Variants in ATP8A1 observed in about 807,000 individuals in gnomAD.
ATP8A1 encodes the protein ATPase phospholipid transporting 8A1, also known as phospholipid-transporting ATPase IA.
A neutral mutation model predicts 177.7 loss-of-function variants in ATP8A1; 90 were observed. The ratio of observed to expected loss-of-function variants is 0.51; its 90% confidence interval spans 0.43 to 0.60. The LOEUF (loss-of-function observed/expected upper bound fraction) is 0.60. Ranked by LOEUF, ATP8A1 falls within the 20% of genes least tolerant of loss-of-function variation. The pLI is 0.00. For missense variants in ATP8A1, 1,072 were observed against 1,392.8 expected (o/e 0.77, Z 3.67); for synonymous variants, 493 against 485.9 (o/e 1.01, Z -0.19).
At chr4:42,441,072 C>T (rs1156381354) in intron 33 of ATP8A1, among the ~76,000 whole-genome samples, 3 of 152,258 alleles carry the variant, frequency 2.0e-5, no homozygotes, top group Admixed American at 6.5e-5. Context: ...TCCTGCAGAA[C>T]GGCCTCAAGT....
At chr4:42,424,842 C>CT (rs1367080882) in intron 33 of ATP8A1, among the ~76,000 whole-genome samples, 1 of 152,166 alleles carries the variant, frequency 6.6e-6, no homozygotes, top group African/African-American at 2.4e-5. Context: ...GCTCTGAATA[C>CT]TTTTAAAATA....
intron 25 of ATP8A1, among the ~76,000 whole-genome samples, chr4:42,482,342 A>G (rs1365894039): frequency 2.0e-5 from 3 of 151,218 alleles, no homozygotes; most frequent in Admixed American, 2.0e-4. Context: ...AACAAAAAAA[A>G]AAAAGAAAAG....
intron 12 of ATP8A1, 42 bp downstream of exon 12, chr4:42,578,218 A>G: frequency 6.6e-7 from 1 of 1,519,522 alleles, no homozygotes; most frequent in South Asian, 1.3e-5. Flanking sequence ...CCTAAGGACA[A>G]AATTATTTTG....
chr4:42,610,339 A>G (rs1736245073), intron 5 of ATP8A1, among the ~76,000 whole-genome samples: 1 of 152,152 alleles, frequency 6.6e-6, no homozygotes, highest in African/African-American at 2.4e-5. Context: ...ACTTTGAATC[A>G]CACCCATTTT....
intron 24 of ATP8A1, among the ~76,000 whole-genome samples, chr4:42,497,932 AT>A (rs76475863): frequency 0.13 from 20,170 of 152,240 alleles, 1,680 homozygotes; most frequent in East Asian, 0.26. Context: ...TTATAAAAAA[AT>A]ATCTTTGCTT....
chr4:42,582,652 C>G (rs1207930668), intron 9 of ATP8A1, among the ~76,000 whole-genome samples: 3 of 152,162 alleles, frequency 2.0e-5, no homozygotes, highest in African/African-American at 4.8e-5. Context: ...CTTAAAACCT[C>G]TAGAACATTC....
At chr4:42,634,782 C>T (rs1739104472) in intron 1 of ATP8A1, among the ~76,000 whole-genome samples, 1 of 152,140 alleles carries the variant, frequency 6.6e-6, no homozygotes, top group African/African-American at 2.4e-5. Context: ...GAAAGGCATA[C>T]TATGGGAGAA....
intron 30 of ATP8A1, among the ~76,000 whole-genome samples, chr4:42,447,448 G>A (rs143555110): frequency 7.9e-4 from 121 of 152,210 alleles, no homozygotes; most frequent in African/African-American, 2.8e-3. Context: ...CTCCCAAAGC[G>A]CTGGGATTAC....
chr4:42,494,989 C>T (rs1370182424), intron 24 of ATP8A1, among the ~76,000 whole-genome samples: 1 of 152,150 alleles, frequency 6.6e-6, no homozygotes, highest in South Asian at 2.1e-4. Flanking sequence ...CTTTAGTTTG[C>T]TAAGGCTCTA....
intron 5 of ATP8A1, among the ~76,000 whole-genome samples, chr4:42,608,138 C>A (rs903443806): frequency 6.6e-6 from 1 of 152,116 alleles, no homozygotes; most frequent in Non-Finnish European, 1.5e-5. Context: ...TGAATGAAAA[C>A]ATTCTGTTAG....
intron 23 of ATP8A1, among the ~76,000 whole-genome samples, chr4:42,505,686 A>C (rs1215651688): frequency 6.6e-6 from 1 of 152,232 alleles, no homozygotes; most frequent in African/African-American, 2.4e-5. Context: ...TATTTACAGG[A>C]TATGTTAGGC....
At chr4:42,480,767 A>G (rs760816626) in intron 25 of ATP8A1, among the ~76,000 whole-genome samples, 6 of 152,168 alleles carry the variant, frequency 3.9e-5, no homozygotes, top group Non-Finnish European at 5.9e-5. Flanking sequence ...AAATGACAAC[A>G]CTCACTGAAG....
Position 42,446,663 on chromosome 4 carries a change from C to T in ATP8A1, c.2897-19G>A, listed in dbSNP as rs761035150. ...GCAGTACCTGTACGAAAAGGAGAGGCCTATTAGAAAGGAAAATGAGATTCT... is the reference window on the plus strand; with the variant it reads ...GCAGTACCTGTACGAAAAGGAGAGGTCTATTAGAAAGGAAAATGAGATTCT... On this transcript the variant is annotated intron_variant, in intron 30 of 36. Transcript: ENST00000381668. The T allele has an allele frequency of 1.0e-5, 16 of 1,603,098 alleles. No homozygotes were observed. The East Asian group carries it at 3.6e-4, about 36-fold the overall frequency.
chr4:42,512,135 G>A (rs1725068136), intron 22 of ATP8A1, among the ~76,000 whole-genome samples: 2 of 152,192 alleles, frequency 1.3e-5, no homozygotes, highest in Non-Finnish European at 2.9e-5. Context: ...TGGGGAGGTT[G>A]AGTAAATTGT....
At chr4:42,426,513 A>C (rs1714638691) in intron 33 of ATP8A1, among the ~76,000 whole-genome samples, 1 of 152,230 alleles carries the variant, frequency 6.6e-6, no homozygotes, top group Non-Finnish European at 1.5e-5. Context: ...CTTCCCAGCT[A>C]ATCAGACACT....
intron 22 of ATP8A1, among the ~76,000 whole-genome samples, chr4:42,517,307 A>C (rs1018228737): frequency 1.0e-3 from 153 of 152,176 alleles, no homozygotes; most frequent in Non-Finnish European, 1.9e-3. Flanking sequence ...AAAAAAAAAA[A>C]AACAAATTCT....
chr4:42,623,086 T>C (rs192620007), intron 4 of ATP8A1, among the ~76,000 whole-genome samples: 75 of 150,932 alleles, frequency 5.0e-4, no homozygotes, highest in South Asian at 2.7e-3. Context: ...CCAGCAAACG[T>C]TGAAAAAAAG....
chr4:42,573,778 G>T (rs1024615238), intron 14 of ATP8A1, among the ~76,000 whole-genome samples: 6 of 152,176 alleles, frequency 3.9e-5, no homozygotes, highest in Non-Finnish European at 7.4e-5. Flanking sequence ...TGCTCAGAGT[G>T]AGTGGGGAAG....
At chr4:42,595,562 G>A (rs1418259623) in intron 6 of ATP8A1, among the ~76,000 whole-genome samples, 1 of 152,162 alleles carries the variant, frequency 6.6e-6, no homozygotes. Context: ...ATTAAAAACT[G>A]CAAGTATAAA....
Sources: allele counts gnomAD v4.1 joint callset (sites outside exome capture counted in the v4.1 genomes callset), GRCh38; gene constraint gnomAD v4.1.1; transcripts MANE v1.5; gene names NCBI Gene and HGNC (gene_info 2026-07-23, HGNC 2026-07-21).